DIP2A: variants seen among roughly 807,000 people sequenced by gnomAD.
DIP2A encodes the protein DIP2 acetate--CoA ligase A, also known as disco-interacting protein 2 homolog A.
In DIP2A, 85 loss-of-function variants were observed where a neutral mutation model predicts 177.4. The observed-to-expected ratio is 0.48, with a 90% CI of 0.40 to 0.57. DIP2A has a LOEUF of 0.57. Among genes scored for constraint, DIP2A ranks in the 20% least tolerant of loss-of-function variants. The pLI is 0.00. For missense variants in DIP2A, 1,791 were observed against 2,100.2 expected, an observed-to-expected ratio of 0.85 and a Z score of 2.88; for synonymous variants, 886 against 881.8, an observed-to-expected ratio of 1.00 and a Z score of -0.08.
chr21:46,527,369 A>G (rs2148724674), intron 8 of DIP2A, among the ~76,000 whole-genome samples: 1 of 110,940 alleles, frequency 9.0e-6, no homozygotes, highest in East Asian at 3.0e-4. Flanking sequence ...ACTCTCGCCC[A>G]GGCTAGAGGA....
At position 46,459,144 on chromosome 21, in the gene DIP2A, G is replaced by C; in HGVS notation, c.13G>C (p.Gly5Arg). The change falls in exon 1 of 38, where the codon GGG becomes CGG. Residue 5 changes from glycine to arginine, a missense_variant. Coordinates refer to ENST00000417564, the MANE Select transcript of DIP2A (RefSeq NM_015151.4). ...AGCCGGCCTGGCCATGGCTGACCGC[G>C]GGTGCCCGCTGGAGGCGGCGCCGCT... Reference protein sequence around the residue: MADRGCPLEAAPLPA... With the variant: MADRRCPLEAAPLPA... The C allele has an allele frequency of 6.6e-7, 1 of 1,514,036 alleles. No homozygotes were observed. Among genetic ancestry groups the C allele is most frequent in the Non-Finnish European group, 8.8e-7 (1 of 1,132,142 alleles). 93.8% of individuals were successfully genotyped at this position (1,514,036 alleles called of 1,614,324 possible).
At chr21:46,470,790 A>T (rs1472051278) in intron 1 of DIP2A, among the ~76,000 whole-genome samples, 1 of 147,808 alleles carries the variant, frequency 6.8e-6, no homozygotes, top group Non-Finnish European at 1.5e-5. Context: ...TTAGCCAGGC[A>T]TGGTGGTGGG....
intron 9 of DIP2A, among the ~76,000 whole-genome samples, chr21:46,530,876 G>C (rs915335178): frequency 6.6e-6 from 1 of 152,042 alleles, no homozygotes; most frequent in Admixed American, 6.6e-5. Flanking sequence ...ATTTCTCATT[G>C]GTAAAACTGA....
chr21:46,557,018 T>G lies in DIP2A; in HGVS notation c.3578T>G (p.Ile1193Ser). The change falls in exon 30 of 38, where the codon ATC (isoleucine) becomes AGC (serine). Residue 1193 changes from isoleucine to serine, a missense_variant. Physicochemically the swap from Ile to Ser is moderately radical, Grantham distance 142. Coordinates refer to ENST00000417564, the MANE Select transcript of DIP2A (RefSeq NM_015151.4). The surrounding 1 kb of genome is among the most constrained non-coding windows in gnomAD (Gnocchi z 6.0). ...CELYPSRQIAICLDPYCGLGF... is the reference protein window; with the variant it reads ...CELYPSRQIASCLDPYCGLGF... ...CTGTACCCCTCGCGGCAGATCGCCA[T>G]CTGCCTCGACCCCTACTGTGGCCTT... 6.2e-7 allele frequency: 1 copy of G among 1,603,520 alleles called. No individual in the cohort carries two copies. Among genetic ancestry groups the G allele is most frequent in the African/African-American group, 1.3e-5 (1 of 74,882 alleles).
chr21:46,566,006 T>TGC lies in DIP2A; in HGVS notation c.4339+120_4339+121insCG, dbSNP rs1555917716. 6.7e-6 allele frequency: 8 copies of TGC among 1,199,572 alleles called. No homozygotes were observed. The African/African-American group carries it at 9.4e-5, about 14-fold the overall frequency. 74.3% of individuals were successfully genotyped at this position (1,199,572 alleles called of 1,614,324 possible). ...TGCTGTGGTCTGGTATTGCTCCTTG[T>TGC]GGGGGGAAGATGTTCTGACAGCAGT... On this transcript the variant is annotated intron_variant, in intron 36 of 37. Transcript: ENST00000417564.
chr21:46,538,398 G>GTACA, intron 15 of DIP2A, 85 bp from the exon 16 acceptor site: 1 of 1,486,184 alleles, frequency 6.7e-7, no homozygotes, highest in Non-Finnish European at 9.0e-7. Context: ...ACACCTCTCT[G>GTACA]TGGGATGAGG....
intron 3 of DIP2A, among the ~76,000 whole-genome samples, chr21:46,492,035 T>C (rs1445685941): frequency 6.6e-6 from 1 of 152,244 alleles, no homozygotes; most frequent in East Asian, 1.9e-4. Flanking sequence ...TTCTTGTGTT[T>C]AAGATATCTT....
rs1278483532 is a variant in DIP2A at position 46,556,595 on chromosome 21, A to G, written c.3499-344A>G. The G allele has an allele frequency of 5.4e-6, 2 of 371,232 alleles. No individual in the cohort carries two copies. The highest frequency in any genetic ancestry group is 7.2e-5 in the East Asian group (1 of 13,852). The allele number at this position is 371,232 out of a possible 1,614,324, so 23.0% of individuals were successfully genotyped here. ...ATACTCAGGAGGCTGAGGCAGGAGA[A>G]TTGCTTGAACCCGGGAGGCAGAGGT... On this transcript the variant is annotated intron_variant, in intron 29 of 37. Coordinates refer to ENST00000417564, the MANE Select transcript of DIP2A (RefSeq NM_015151.4). This position sits in a 1 kb window ranked among gnomAD's most constrained non-coding sequence, Gnocchi z 4.5.
chr21:46,555,780 G>A (rs1331887030), intron 28 of DIP2A: 1 of 584,694 alleles, frequency 1.7e-6, no homozygotes, highest in Non-Finnish European at 3.1e-6. Flanking sequence ...GTCTTGGTGG[G>A]ACCGGGTAGC....
rs748968070 is a variant in DIP2A at position 46,550,589 on chromosome 21, T to C, written c.2684T>C (p.Val895Ala). Reference sequence around the variant, plus strand: ...GTGGGCGTGTACTGTCTGGCCCTGGTTCCTGCCAACACCTTGCCCAAGGCT... The same window carrying C: ...GTGGGCGTGTACTGTCTGGCCCTGGCTCCTGCCAACACCTTGCCCAAGGCT... ...HQVGVYCLAL[V>A]PANTLPKAPL... Residue 895 changes from valine to alanine, a missense_variant, in exon 23 of 38, where the codon GTT becomes GCT. Coordinates refer to ENST00000417564, the MANE Select transcript of DIP2A (RefSeq NM_015151.4). 1 of 1,613,772 alleles carries C rather than the reference T, an allele frequency of 6.2e-7. No individual in the cohort carries two copies. Among genetic ancestry groups the C allele is most frequent in the East Asian group, 2.2e-5 (1 of 44,872 alleles).
At chr21:46,502,879 C>T (rs2057732098) in intron 5 of DIP2A, among the ~76,000 whole-genome samples, 1 of 152,162 alleles carries the variant, frequency 6.6e-6, no homozygotes, top group Admixed American at 6.5e-5. Flanking sequence ...CCTATAGGAA[C>T]TTACAGTCAG....
Position 46,569,069 on chromosome 21 carries a change from G to C in DIP2A, c.*1447G>C, listed in dbSNP as rs1349220193. ...AATTTGAAGTCAAGCACGAATCTAA[G>C]ACATAGATTATTTTTATATAGCTAA... On this transcript the variant is annotated 3_prime_UTR_variant, in exon 38 of 38. Transcript: ENST00000417564. 6.6e-6 allele frequency: 1 copy of C among 152,172 alleles called. No individual in the cohort carries two copies. The highest frequency in any genetic ancestry group is 2.4e-5 in the African/African-American group (1 of 41,436). The allele number at this position is 152,172 out of a possible 1,614,324, so 9.4% of individuals were successfully genotyped here.
chr21:46,459,719 A>G (rs2054128871), intron 1 of DIP2A, among the ~76,000 whole-genome samples: 1 of 146,570 alleles, frequency 6.8e-6, no homozygotes, highest in Non-Finnish European at 1.5e-5. Flanking sequence ...CCTCCCCCAT[A>G]CAAGGACTCC....
chr21:46,491,111 A>G (rs919790319), intron 3 of DIP2A, among the ~76,000 whole-genome samples: 2 of 152,132 alleles, frequency 1.3e-5, no homozygotes, highest in Non-Finnish European at 2.9e-5. Context: ...TTCTTTTTCT[A>G]ATTTTGGAGA....
intron 8 of DIP2A, among the ~76,000 whole-genome samples, chr21:46,526,213 C>A (rs2059083061): frequency 6.6e-6 from 1 of 151,898 alleles, no homozygotes; most frequent in Admixed American, 6.6e-5. Context: ...ACCTGGCCAC[C>A]TTTGCATTAT....
intron 20 of DIP2A, 48 bp downstream of exon 20, chr21:46,546,009 G>A: frequency 6.2e-7 from 1 of 1,613,558 alleles, no homozygotes; most frequent in Non-Finnish European, 8.5e-7. Context: ...GAAGGTAGGG[G>A]GTGTGGCTAA....
chr21:46,565,970 A>G, intron 36 of DIP2A, 83 bp downstream of exon 36: 2 of 1,483,582 alleles, frequency 1.3e-6, no homozygotes, highest in Non-Finnish European at 1.8e-6. Flanking sequence ...CTGCTAGCAC[A>G]CCTCACTCCT....
downstream of DIP2A, among the ~76,000 whole-genome samples, chr21:46,573,199 T>C (rs1286438460): frequency 6.6e-6 from 1 of 151,850 alleles, no homozygotes; most frequent in Non-Finnish European, 1.5e-5. Flanking sequence ...ATATAGAATA[T>C]GAAGTGACAG....
intron 36 of DIP2A, 115 bp downstream of exon 36, chr21:46,566,002 C>CT: frequency 1.6e-6 from 2 of 1,224,468 alleles, no homozygotes. Flanking sequence ...GGTATTGCTC[C>CT]TTGTGGGGGG....
Sources: gnomAD v4.1 joint callset for allele counts (sites outside exome capture counted in the v4.1 genomes callset) on GRCh38, gnomAD v4.1.1 for gene constraint, Gnocchi (gnomAD v3.1) non-coding constraint, MANE v1.5 for transcripts, NCBI Gene and HGNC (gene_info 2026-07-23, HGNC 2026-07-21) for gene names.